Variants in NRCAM observed in about 807,000 individuals in gnomAD.
NRCAM encodes neuronal cell adhesion molecule, also known as NgCAM-related cell adhesion molecule.
NRCAM carries 83 observed loss-of-function variants against 156.5 expected under a neutral mutation model. That is an observed-to-expected ratio of 0.53 (90% CI 0.44 to 0.64). The LOEUF is 0.64. Among genes scored for constraint, NRCAM ranks in the 30% least tolerant of loss-of-function variants. NRCAM has a pLI of 0.00. For missense variants in NRCAM, 1,417 were observed against 1,597.3 expected, an observed-to-expected ratio of 0.89 and a Z score of 1.92; for synonymous variants, 538 against 563.9, an observed-to-expected ratio of 0.95 and a Z score of 0.65.
intron 2 of NRCAM, among the ~76,000 whole-genome samples, chr7:108,320,504 G>A (rs979058615): frequency 2.0e-5 from 3 of 149,464 alleles, no homozygotes; most frequent in Admixed American, 6.7e-5. Context: ...TAATGAAGCC[G>A]AGATCACACC....
At chr7:108,177,910 G>A (rs1179551493) in intron 26 of NRCAM, 80 bp downstream of exon 26, 3 of 1,300,502 alleles carry the variant, frequency 2.3e-6, no homozygotes, top group East Asian at 2.6e-5. Context: ...ACCCCATGAG[G>A]AGGTATAATT....
chr7:108,337,948 G>A (rs947150822), intron 2 of NRCAM, among the ~76,000 whole-genome samples: 7 of 152,080 alleles, frequency 4.6e-5, no homozygotes, highest in East Asian at 1.9e-4. Context: ...GACACCTGTC[G>A]GCCGGTTAAA....
intron 25 of NRCAM, among the ~76,000 whole-genome samples, chr7:108,178,905 C>A (rs2062064669): frequency 6.6e-6 from 1 of 152,182 alleles, no homozygotes; most frequent in South Asian, 2.1e-4. Flanking sequence ...TCCCTATCTG[C>A]CTCATTTCCA....
chr7:108,435,736 CT>C (rs1001392159), intron 1 of NRCAM, among the ~76,000 whole-genome samples: 11 of 152,324 alleles, frequency 7.2e-5, no homozygotes, highest in African/African-American at 2.2e-4. Context: ...ACATGTACCC[CT>C]GAACTTAAAC....
chr7:108,320,714 T>C (rs551192453), intron 2 of NRCAM, among the ~76,000 whole-genome samples: 1 of 152,350 alleles, frequency 6.6e-6, no homozygotes, highest in East Asian at 1.9e-4. Context: ...TTGATTAGTA[T>C]CTAAGAACTT....
intron 2 of NRCAM, among the ~76,000 whole-genome samples, chr7:108,378,078 T>C (rs1427019767): frequency 6.6e-6 from 1 of 152,210 alleles, no homozygotes; most frequent in Non-Finnish European, 1.5e-5. Flanking sequence ...TATAATTTCA[T>C]AATTTTTAAA....
At chr7:108,244,875 C>G (rs987942546) in intron 3 of NRCAM, among the ~76,000 whole-genome samples, 5 of 152,236 alleles carry the variant, frequency 3.3e-5, no homozygotes, top group Admixed American at 1.3e-4. Flanking sequence ...AGCTCAAAAT[C>G]TCTACTCCTC....
chr7:108,377,933 T>G (rs931554794), intron 2 of NRCAM, among the ~76,000 whole-genome samples: 2 of 152,158 alleles, frequency 1.3e-5, no homozygotes, highest in Non-Finnish European at 2.9e-5. Context: ...CCCCCCACCT[T>G]GCAAAGAAAA....
intron 25 of NRCAM, 79 bp from the exon 26 acceptor site, chr7:108,178,191 G>C (rs1486489965): frequency 2.7e-6 from 4 of 1,471,114 alleles, no homozygotes; most frequent in Non-Finnish European, 3.7e-6. Context: ...CACCGTGCTC[G>C]CACGATTCAA....
chr7:108,149,740 T>C lies in NRCAM; in HGVS notation c.*170A>G. 1.6e-6 allele frequency: 1 copy of C among 629,940 alleles called. No individual in the cohort carries two copies. Among genetic ancestry groups the C allele is most frequent in the East Asian group, 2.7e-5 (1 of 37,104 alleles). The allele number at this position is 629,940 out of a possible 1,614,324, so 39.0% of individuals were successfully genotyped here. A position where few individuals can be genotyped will look rare whatever the true frequency, so the allele number is the denominator to read the frequency against. ...TATGCACTTTGCATTCCAGTTCATA[T>C]TAACATATCATTTGACTGAGTTATG... On this transcript the variant is annotated 3_prime_UTR_variant, in exon 33 of 33. Transcript: ENST00000379028.
chr7:108,255,126 C>G (rs1396474832), intron 3 of NRCAM, among the ~76,000 whole-genome samples: 4 of 151,980 alleles, frequency 2.6e-5, no homozygotes. Context: ...ATGGATGAAA[C>G]CTCAAAACTA....
intron 2 of NRCAM, among the ~76,000 whole-genome samples, chr7:108,341,694 C>A (rs1030661011): frequency 3.3e-5 from 5 of 152,060 alleles, no homozygotes; most frequent in Non-Finnish European, 5.9e-5. Context: ...GATTCTGTCC[C>A]CTTTCCCTAC....
intron 1 of NRCAM, among the ~76,000 whole-genome samples, chr7:108,447,749 TATC>T (rs756081168): frequency 6.2e-4 from 94 of 152,218 alleles, no homozygotes; most frequent in Middle Eastern, 3.2e-3. Flanking sequence ...GTAAATGTCT[TATC>T]ATATTTCATT....
At chr7:108,330,708 G>A (rs2099118012) in intron 2 of NRCAM, among the ~76,000 whole-genome samples, 1 of 152,170 alleles carries the variant, frequency 6.6e-6, no homozygotes, top group Non-Finnish European at 1.5e-5. Flanking sequence ...CTAATTCTTT[G>A]TCTTGACCTG....
intron 3 of NRCAM, among the ~76,000 whole-genome samples, chr7:108,305,968 T>C (rs1387098546): frequency 1.3e-5 from 2 of 152,218 alleles, no homozygotes; most frequent in African/African-American, 4.8e-5. Context: ...AGTTTATGTA[T>C]GCAAATGCAA....
intron 1 of NRCAM, among the ~76,000 whole-genome samples, chr7:108,429,214 C>CA (rs1425555814): frequency 1.3e-5 from 2 of 151,936 alleles, no homozygotes; most frequent in Admixed American, 1.3e-4. Flanking sequence ...TTTTGTGAGA[C>CA]AGAGTCTCAC....
At chr7:108,352,712 C>T (rs922024972) in intron 2 of NRCAM, among the ~76,000 whole-genome samples, 16 of 152,062 alleles carry the variant, frequency 1.1e-4, no homozygotes, top group African/African-American at 3.9e-4. Flanking sequence ...ACTTTCATTC[C>T]CACTTGGGGG....
At position 108,184,583 on chromosome 7, in the gene NRCAM, G is replaced by A. The variant is rs778822876; in HGVS notation, c.2067C>T (p.His689=). 6.2e-7 allele frequency: 1 copy of A among 1,613,446 alleles called. No individual in the cohort carries two copies. The highest frequency in any genetic ancestry group is 1.1e-5 in the South Asian group (1 of 91,050). The change falls in exon 21 of 33, where the codon CAC becomes CAT. Residue 689 remains histidine, a synonymous_variant. Transcript: ENST00000379028. ...TTTGGTGGTGCCACAGCCCTGGCTT[G>A]TGCATTGCATCTTCATATTCGATGA... ...KFIIEYEDAM[H]KPGLWHHQTE... is the part of the protein sequence containing the mutation.
chr7:108,326,159 CAT>C (rs371231152), intron 2 of NRCAM, among the ~76,000 whole-genome samples: 177 of 152,238 alleles, frequency 1.2e-3, no homozygotes, highest in Admixed American at 2.6e-3. Flanking sequence ...TACGCATACA[CAT>C]GTTTTGTGTT....
Sources: allele counts gnomAD v4.1 joint callset (sites outside exome capture counted in the v4.1 genomes callset), GRCh38; gene constraint gnomAD v4.1.1; transcripts MANE v1.5; gene names NCBI Gene and HGNC (gene_info 2026-07-23, HGNC 2026-07-21).